KIF4A: variants seen among roughly 807,000 people sequenced by gnomAD.
KIF4A encodes the protein chromosome-associated kinesin KIF4A.
KIF4A carries 7 observed loss-of-function variants against 105.9 expected under a neutral mutation model. The observed-to-expected ratio is 0.07, with a 90% confidence interval of 0.04 to 0.12. The LOEUF (loss-of-function observed/expected upper bound fraction) is 0.12, where lower values mean the gene tolerates loss of function less well. KIF4A is among the 10% of genes least tolerant of loss of function. The pLI is 1.00. For missense variants in KIF4A, 558 were observed against 929.2 expected (o/e 0.60, Z 5.19); for synonymous variants, 281 against 331.3 (o/e 0.85, Z 1.65).
At chrX:70,410,210 G>C (rs1038450683) in intron 28 of KIF4A, among the ~76,000 whole-genome samples, 58 of 111,830 alleles carry the variant, frequency 5.2e-4, no homozygotes, top group Non-Finnish European at 1.3e-4. Context: ...TGTAGAACTT[G>C]ATGCTTCACA....
chrX:70,399,674 C>A (rs1036690199), intron 22 of KIF4A, among the ~76,000 whole-genome samples: 6 of 105,528 alleles, frequency 5.7e-5, no homozygotes, highest in African/African-American at 1.7e-4. Context: ...TTATGGAAAT[C>A]ATCATTCTCA....
At chrX:70,307,592 A>T (rs1043104191) in intron 7 of KIF4A, among the ~76,000 whole-genome samples, 2 of 111,961 alleles carry the variant, frequency 1.8e-5, no homozygotes, top group African/African-American at 6.5e-5. Flanking sequence ...CAGGTTGAGG[A>T]AGTTCCCTTG....
intron 18 of KIF4A, among the ~76,000 whole-genome samples, chrX:70,382,912 C>T (rs1052937630): frequency 9.0e-6 from 1 of 110,563 alleles, no homozygotes; most frequent in Non-Finnish European, 1.9e-5. Flanking sequence ...TGTCTGGGCA[C>T]GGTGGCTCAC....
chrX:70,377,900 C>T (rs1429825160), intron 18 of KIF4A, among the ~76,000 whole-genome samples: 1 of 112,444 alleles, frequency 8.9e-6, no homozygotes, highest in Non-Finnish European at 1.9e-5. Context: ...TGCCACTGCA[C>T]TCCAGCCTGT....
chrX:70,343,056 T>C (rs1372984757), intron 11 of KIF4A, among the ~76,000 whole-genome samples: 3 of 112,004 alleles, frequency 2.7e-5, no homozygotes, highest in Non-Finnish European at 5.6e-5. Flanking sequence ...ACTGAAAATA[T>C]CAATCACCCT....
intron 10 of KIF4A, among the ~76,000 whole-genome samples, chrX:70,334,341 T>C (rs1322056942): frequency 2.7e-5 from 3 of 112,131 alleles, no homozygotes; most frequent in Non-Finnish European, 5.6e-5. Context: ...TCATCTATAT[T>C]TTTGTATATA....
At chrX:70,416,345 CT>C (rs376059238) in intron 28 of KIF4A, among the ~76,000 whole-genome samples, 508 of 62,741 alleles carry the variant, frequency 8.1e-3, no homozygotes, top group African/African-American at 0.028. Context: ...TCTGCACAGT[CT>C]TTTTTTTTTT....
At chrX:70,390,650 A>G (rs1327692847) in intron 20 of KIF4A, among the ~76,000 whole-genome samples, 1 of 111,702 alleles carries the variant, frequency 9.0e-6, no homozygotes, top group Non-Finnish European at 1.9e-5. Context: ...CATACAATAA[A>G]ATAAACCCTT....
At chrX:70,366,547 C>T (rs1271278782) in intron 15 of KIF4A, among the ~76,000 whole-genome samples, 2 of 112,051 alleles carry the variant, frequency 1.8e-5, no homozygotes, top group Non-Finnish European at 3.8e-5. Context: ...GTTCAGTTTC[C>T]ATGTAGTTGA....
intron 22 of KIF4A, among the ~76,000 whole-genome samples, chrX:70,401,669 G>T (rs2086283235): frequency 8.9e-6 from 1 of 111,798 alleles, no homozygotes; most frequent in Non-Finnish European, 1.9e-5. Context: ...CCAAAGTGCT[G>T]GGATTACAGG....
At chrX:70,306,985 T>A (rs1157699620) in intron 7 of KIF4A, among the ~76,000 whole-genome samples, 1 of 109,243 alleles carries the variant, frequency 9.2e-6, no homozygotes, top group Non-Finnish European at 1.9e-5. Flanking sequence ...CCACCACTCT[T>A]GGTTGATTTT....
chrX:70,295,873 C>T (rs890545710), intron 3 of KIF4A, among the ~76,000 whole-genome samples: 4 of 105,378 alleles, frequency 3.8e-5, no homozygotes, highest in Non-Finnish European at 7.8e-5. Flanking sequence ...GCCGAGATCG[C>T]GCCACTGCAC....
chrX:70,311,254 T>G (rs1359720947), intron 7 of KIF4A, among the ~76,000 whole-genome samples: 3 of 112,096 alleles, frequency 2.7e-5, no homozygotes, highest in Non-Finnish European at 5.6e-5. Context: ...TCTGTAGTTA[T>G]GTCTCACTTT....
chrX:70,340,044 C>A (rs189632255), intron 10 of KIF4A, among the ~76,000 whole-genome samples: 9 of 110,955 alleles, frequency 8.1e-5, no homozygotes, highest in African/African-American at 2.9e-4. Context: ...CATATAGTAC[C>A]TATCTCTGTA....
chrX:70,395,280 G>T (rs2086255048), intron 20 of KIF4A, among the ~76,000 whole-genome samples: 2 of 111,623 alleles, frequency 1.8e-5, no homozygotes, highest in African/African-American at 6.5e-5. Context: ...ACTGAATTTT[G>T]TTTCCTTTTT....
intron 9 of KIF4A, among the ~76,000 whole-genome samples, chrX:70,331,081 A>G (rs2085928396): frequency 8.9e-6 from 1 of 111,804 alleles, no homozygotes; most frequent in South Asian, 3.8e-4. Flanking sequence ...TCTTAGCTCT[A>G]TAACTCACTG....
chrX:70,314,418 A>G (rs965944854), intron 7 of KIF4A, among the ~76,000 whole-genome samples: 1 of 112,347 alleles, frequency 8.9e-6, no homozygotes, highest in African/African-American at 3.2e-5. Flanking sequence ...TTTATGACAG[A>G]ATCATAGTTG....
intron 7 of KIF4A, among the ~76,000 whole-genome samples, chrX:70,317,177 TG>T (rs1002303803): frequency 2.7e-5 from 3 of 111,976 alleles, no homozygotes; most frequent in Non-Finnish European, 3.8e-5. Flanking sequence ...TGAATATTCT[TG>T]TACAGGTATT....
intron 4 of KIF4A, among the ~76,000 whole-genome samples, chrX:70,297,739 TA>T (rs2085788768): frequency 9.0e-6 from 1 of 111,643 alleles, no homozygotes; most frequent in Admixed American, 9.5e-5. Context: ...TATATTAGTA[TA>T]GTTGTAGACT....
Sources: gnomAD v4.1 joint callset for allele counts (sites outside exome capture counted in the v4.1 genomes callset) on GRCh38, gnomAD v4.1.1 for gene constraint, MANE v1.5 for transcripts, NCBI Gene and HGNC (gene_info 2026-07-23, HGNC 2026-07-21) for gene names.